The following ST3GAL5 variants were observed in gnomAD, a reference collection of about 807,000 sequenced individuals.
ST3GAL5 encodes ST3 beta-galactoside alpha-2,3-sialyltransferase 5, also known as lactosylceramide alpha-2,3-sialyltransferase.
ST3GAL5 carries 25 observed loss-of-function variants against 46.1 expected under a neutral mutation model. The observed-to-expected ratio is 0.54, with a 90% CI of 0.40 to 0.76. The LOEUF (loss-of-function observed/expected upper bound fraction) is 0.76, where lower values mean the gene tolerates loss of function less well. ST3GAL5 is among the 30% of genes least tolerant of loss of function. ST3GAL5 has a pLI of 0.00. For missense variants in ST3GAL5, 431 were observed against 521.2 expected (o/e 0.83, Z 1.69); for synonymous variants, 182 against 192.7 (o/e 0.94, Z 0.46).
At chr2:85,842,703 G>C (rs1239241145) in intron 6 of ST3GAL5, among the ~76,000 whole-genome samples, 1 of 151,962 alleles carries the variant, frequency 6.6e-6, no homozygotes, top group Admixed American at 6.6e-5. Flanking sequence ...TCACAGGCTG[G>C]TGTCTATTTC....
At chr2:85,875,386 G>C (rs1332123449) in intron 1 of ST3GAL5, 1 of 98,490 alleles carries the variant, frequency 1.0e-5, no homozygotes, top group Non-Finnish European at 2.1e-5. Context: ...TTTTTTTAAA[G>C]AGAAGAGCAA....
intron 1 of ST3GAL5, among the ~76,000 whole-genome samples, chr2:85,878,608 T>C (rs532373167): frequency 6.6e-6 from 1 of 152,378 alleles, no homozygotes; most frequent in African/African-American, 2.4e-5. Context: ...TGTATGGTTG[T>C]CTAATTTTCT....
At chr2:85,840,843 C>T (rs1370219019) in intron 6 of ST3GAL5, among the ~76,000 whole-genome samples, 1 of 145,648 alleles carries the variant, frequency 6.9e-6, no homozygotes, top group African/African-American at 2.6e-5. Flanking sequence ...ACTCAGGAGG[C>T]TGAGGCAGGA....
chr2:85,837,581 A>G lies in ST3GAL5; in HGVS notation c.*2563T>C, dbSNP rs1355172477. On this transcript the variant is annotated 3_prime_UTR_variant, in exon 7 of 7. Coordinates refer to ENST00000638572, the MANE Select transcript of ST3GAL5 (RefSeq NM_003896.4). ...ATTTCAAAATCACTAGAATAATTCA[A>G]ATGTTTCTACCATAAAGACAAATAT... 1 of 152,230 alleles carries G rather than the reference A, an allele frequency of 6.6e-6. No homozygotes were observed. Among genetic ancestry groups the G allele is most frequent in the Non-Finnish European group, 1.5e-5 (1 of 68,032 alleles). The allele number at this position is 152,230 out of a possible 1,614,324, so 9.4% of individuals were successfully genotyped here.
intron 2 of ST3GAL5, among the ~76,000 whole-genome samples, chr2:85,862,064 A>G (rs1182838024): frequency 6.6e-6 from 1 of 152,220 alleles, no homozygotes; most frequent in African/African-American, 2.4e-5. Flanking sequence ...TGCATCTAGC[A>G]TAATATATTA....
At chr2:85,887,616 G>A (rs1167676735) in intron 1 of ST3GAL5, 1 of 152,230 alleles carries the variant, frequency 6.6e-6, no homozygotes, top group African/African-American at 2.4e-5. Flanking sequence ...TCTGTTACTA[G>A]CAATGTTAGA....
chr2:85,838,103 T>C lies in ST3GAL5; in HGVS notation c.*2041A>G, dbSNP rs1383401048. 1 of 152,072 alleles carries C rather than the reference T, an allele frequency of 6.6e-6. No homozygotes were observed. Among genetic ancestry groups the C allele is most frequent in the Non-Finnish European group, 1.5e-5 (1 of 68,020 alleles). 9.4% of individuals were successfully genotyped at this position (152,072 alleles called of 1,614,324 possible). ...ATTGGCTGGTGGACTCTATAAAAGG[T>C]CTACAAAAATATACCTTTTTAGGGT... On this transcript the variant is annotated 3_prime_UTR_variant, in exon 7 of 7. Transcript: ENST00000638572.
chr2:85,861,087 A>G (rs1218165133), intron 3 of ST3GAL5, 94 bp downstream of exon 3: 2 of 927,130 alleles, frequency 2.2e-6, no homozygotes, highest in East Asian at 2.4e-5. Flanking sequence ...ACTTTTATTA[A>G]CATATATTTG....
chr2:85,878,501 A>G (rs554326309), intron 1 of ST3GAL5, among the ~76,000 whole-genome samples: 1 of 152,236 alleles, frequency 6.6e-6, no homozygotes, highest in Non-Finnish European at 1.5e-5. Flanking sequence ...GAATCATTCC[A>G]GAAGCAAGGA....
At position 85,863,660 on chromosome 2, in the gene ST3GAL5, T is replaced by C. The variant is rs376168961; in HGVS notation, c.83-175A>G. Among the ~76,000 whole-genome samples, 169 of 152,144 alleles carry C rather than the reference T, an allele frequency of 1.1e-3. 5 individuals are homozygous for C. In the South Asian group the frequency reaches 0.024, roughly 21 times the overall value. ...CAAAGTGGGTGAATCTAGAGGGAACTATGCTGAGCTGATACCAAAATGTTA... is the reference window on the plus strand; with the variant it reads ...CAAAGTGGGTGAATCTAGAGGGAACCATGCTGAGCTGATACCAAAATGTTA... On this transcript the variant is annotated intron_variant, in intron 1 of 6. Coordinates refer to ENST00000638572, the MANE Select transcript of ST3GAL5 (RefSeq NM_003896.4).
In ST3GAL5 at chr2:85,840,003, A is replaced by T. The variant is rs963106166; in HGVS notation, c.*141T>A. 1.4e-5 allele frequency: 19 copies of T among 1,341,614 alleles called. No homozygotes were observed. Among genetic ancestry groups the T allele is most frequent in the Non-Finnish European group, 1.6e-5 (16 of 984,486 alleles). 83.1% of individuals were successfully genotyped at this position (1,341,614 alleles called of 1,614,324 possible). ...GAAAAAAAAAGTGGGAAGAGCTAAA[A>T]TTTTTTTTGTGTTTTTAAATTAAAA... On this transcript the variant is annotated 3_prime_UTR_variant, in exon 7 of 7. Transcript: ENST00000638572.
intron 3 of ST3GAL5, 198 bp from the exon 4 acceptor site, chr2:85,848,402 GGA>G (rs1683083715): frequency 1.3e-6 from 2 of 1,537,086 alleles, no homozygotes; most frequent in East Asian, 5.0e-5. Flanking sequence ...CACATGACAA[GGA>G]GATAAACACA....
At chr2:85,864,120 G>A (rs1320387885) in intron 1 of ST3GAL5, among the ~76,000 whole-genome samples, 1 of 152,142 alleles carries the variant, frequency 6.6e-6, no homozygotes, top group African/African-American at 2.4e-5. Flanking sequence ...AGGGCAACAC[G>A]AAGGACTCTT....
chr2:85,871,607 G>C (rs575351282), intron 1 of ST3GAL5, among the ~76,000 whole-genome samples: 1 of 152,302 alleles, frequency 6.6e-6, no homozygotes, highest in Admixed American at 6.5e-5. Flanking sequence ...GCCGACATAT[G>C]ATCTAGTGAA....
chr2:85,862,476 C>T (rs555957235), intron 2 of ST3GAL5, among the ~76,000 whole-genome samples: 132 of 151,508 alleles, frequency 8.7e-4, no homozygotes, highest in African/African-American at 3.1e-3. Context: ...ACATTCAGTG[C>T]ATACACTTCC....
chr2:85,846,265 C>G, intron 5 of ST3GAL5, 112 bp downstream of exon 5: 1 of 955,568 alleles, frequency 1.0e-6, no homozygotes, highest in Non-Finnish European at 1.6e-6. Flanking sequence ...AAAGACAACA[C>G]ATAAGTATGC....
chr2:85,857,536 CAAA>C (rs369873432), intron 3 of ST3GAL5, among the ~76,000 whole-genome samples: 3 of 73,378 alleles, frequency 4.1e-5, no homozygotes, highest in African/African-American at 5.3e-5. Context: ...GACTCCGTCT[CAAA>C]AAAAAAAAAA....
At chr2:85,840,632 C>G (rs1180928280) in intron 6 of ST3GAL5, 2 of 545,930 alleles carry the variant, frequency 3.7e-6, no homozygotes, top group African/African-American at 3.8e-5. Context: ...CCTGACAATT[C>G]TTACACCAAG....
At chr2:85,881,764 A>G (rs1031431323) in intron 1 of ST3GAL5, among the ~76,000 whole-genome samples, 23 of 107,932 alleles carry the variant, frequency 2.1e-4, no homozygotes, top group African/African-American at 8.7e-4. Flanking sequence ...AAAGTTGAGA[A>G]AATTTGCAGC....
Sources: allele counts gnomAD v4.1 joint callset (sites outside exome capture counted in the v4.1 genomes callset), GRCh38; gene constraint gnomAD v4.1.1; transcripts MANE v1.5; gene names NCBI Gene and HGNC (gene_info 2026-07-23, HGNC 2026-07-21).